The following DOCK3 variants were observed in gnomAD, a reference collection of about 807,000 sequenced individuals.
The protein encoded by DOCK3 is dedicator of cytokinesis 3.
DOCK3 carries 60 observed loss-of-function variants against 265.6 expected under a neutral mutation model. The observed-to-expected ratio is 0.23, with a 90% confidence interval of 0.18 to 0.28. The LOEUF (loss-of-function observed/expected upper bound fraction) is 0.28. Ranked by LOEUF, DOCK3 falls within the 10% of genes least tolerant of loss-of-function variation. The pLI is 1.00. For missense variants in DOCK3, 1,981 were observed against 2,594.3 expected (o/e 0.76, Z 5.14); for synonymous variants, 881 against 938.0 (o/e 0.94, Z 1.11).
intron 7 of DOCK3, among the ~76,000 whole-genome samples, chr3:51,078,238 A>C (rs2082117663): frequency 1.3e-5 from 2 of 152,230 alleles, no homozygotes; most frequent in African/African-American, 4.8e-5. Context: ...TACAAAATTA[A>C]AAAGCAGATT....
At chr3:51,205,145 A>G (rs976915104) in intron 12 of DOCK3, among the ~76,000 whole-genome samples, 1 of 152,128 alleles carries the variant, frequency 6.6e-6, no homozygotes, top group African/African-American at 2.4e-5. Context: ...GTGCACATGT[A>G]CGCTAAAACT....
rs2088735558 is a variant in DOCK3 at position 51,382,755 on chromosome 3, G to T, written c.*1196G>T. 6.6e-6 allele frequency: 1 copy of T among 152,526 alleles called. No individual in the cohort carries two copies. 9.4% of individuals were successfully genotyped at this position (152,526 alleles called of 1,614,324 possible). On this transcript the variant is annotated 3_prime_UTR_variant, in exon 53 of 53. Coordinates refer to ENST00000266037, the MANE Select transcript of DOCK3 (RefSeq NM_004947.5). ...TGGGGACCACCACTCAGGGTTCGGG[G>T]CTGGCAGGAGGGTAGTTTCTCCAGT... is the stretch of plus-strand genomic sequence containing the variant.
chr3:51,203,397 G>C (rs554873630), intron 12 of DOCK3, among the ~76,000 whole-genome samples: 2,145 of 152,264 alleles, frequency 0.014, 59 homozygotes, highest in African/African-American at 0.047. Context: ...CAAATCATGA[G>C]TAAACTCCCA....
At chr3:51,217,791 C>T (rs907780020) in intron 14 of DOCK3, among the ~76,000 whole-genome samples, 1 of 152,086 alleles carries the variant, frequency 6.6e-6, no homozygotes, top group Non-Finnish European at 1.5e-5. Flanking sequence ...AACCGTTAGC[C>T]AAAAGAGTAT....
At chr3:50,698,762 G>T (rs1002731242) in intron 1 of DOCK3, among the ~76,000 whole-genome samples, 1 of 151,532 alleles carries the variant, frequency 6.6e-6, no homozygotes, top group Non-Finnish European at 1.5e-5. Context: ...TTCCCTGATG[G>T]CTGATGATGT....
chr3:51,068,813 C>G (rs6445750), intron 6 of DOCK3, among the ~76,000 whole-genome samples: 137,168 of 152,212 alleles, frequency 0.9, 62,006 homozygotes, highest in African/African-American at 0.95. Context: ...GATCTTTGTT[C>G]TGTTCTGCAA....
At chr3:50,821,338 C>T (rs1258075525) in intron 2 of DOCK3, among the ~76,000 whole-genome samples, 21 of 151,478 alleles carry the variant, frequency 1.4e-4, no homozygotes, top group African/African-American at 4.6e-4. Context: ...CTCACTTTGT[C>T]GCCCAGGCTG....
intron 7 of DOCK3, among the ~76,000 whole-genome samples, chr3:51,086,430 G>A (rs968616005): frequency 2.0e-5 from 3 of 152,218 alleles, no homozygotes; most frequent in East Asian, 3.8e-4. Context: ...TTTATGGCCA[G>A]ATTTTAGGGT....
chr3:51,138,039 C>T (rs2084884667), intron 9 of DOCK3, among the ~76,000 whole-genome samples: 1 of 152,190 alleles, frequency 6.6e-6, no homozygotes, highest in African/African-American at 2.4e-5. Context: ...TTTCTACAGA[C>T]TCCATTGCCT....
chr3:50,749,115 G>A (rs1214656944), intron 1 of DOCK3, among the ~76,000 whole-genome samples: 2 of 152,136 alleles, frequency 1.3e-5, no homozygotes, highest in Admixed American at 6.5e-5. Context: ...ATGAGAGCAG[G>A]CCTTCATCAG....
chr3:50,939,140 C>CA (rs2051556342), intron 5 of DOCK3, among the ~76,000 whole-genome samples: 1 of 151,970 alleles, frequency 6.6e-6, no homozygotes, highest in South Asian at 2.1e-4. Flanking sequence ...AAAGAAAATA[C>CA]TGTAAACAAC....
At chr3:51,321,134 GA>G (rs2083698234) in intron 32 of DOCK3, among the ~76,000 whole-genome samples, 1 of 152,202 alleles carries the variant, frequency 6.6e-6, no homozygotes, top group South Asian at 2.1e-4. Flanking sequence ...GGAATGAACA[GA>G]CAGCAAACTT....
intron 23 of DOCK3, among the ~76,000 whole-genome samples, chr3:51,266,000 C>T (rs190377930): frequency 1.2e-3 from 183 of 151,776 alleles, no homozygotes; most frequent in Non-Finnish European, 2.1e-3. Context: ...TCAGCAAAGT[C>T]TCAGGATACA....
intron 23 of DOCK3, among the ~76,000 whole-genome samples, chr3:51,269,775 A>C (rs1418900732): frequency 6.6e-6 from 1 of 152,252 alleles, no homozygotes; most frequent in Non-Finnish European, 1.5e-5. Flanking sequence ...AGAGAAAATA[A>C]TAAGAACCAG....
At chr3:51,200,837 T>C (rs193122281) in intron 12 of DOCK3, among the ~76,000 whole-genome samples, 29 of 152,042 alleles carry the variant, frequency 1.9e-4, no homozygotes, top group African/African-American at 3.6e-4. Flanking sequence ...TGGCAGAAAC[T>C]CTACAAGCCA....
rs75465665 is a variant in DOCK3 at position 51,019,204 on chromosome 3, TG to T, written c.316-45243del. ...TTGTTTTTAAGAAATCTTTGTTTAT[TG>T]CAAATTCATGACTGGATTACCACTT... On this transcript the variant is annotated intron_variant, in intron 5 of 52. Coordinates refer to ENST00000266037, the MANE Select transcript of DOCK3 (RefSeq NM_004947.5). 2.6e-5 allele frequency among the ~76,000 whole-genome samples: 4 copies of T among 151,944 alleles called. 1 individual carries two copies. The East Asian group carries it at 7.7e-4, about 29-fold the overall frequency.
intron 1 of DOCK3, among the ~76,000 whole-genome samples, chr3:50,680,939 C>G (rs1476830095): frequency 2.6e-5 from 4 of 152,016 alleles, no homozygotes; most frequent in Non-Finnish European, 4.4e-5. Flanking sequence ...ACTCTTTTTC[C>G]TTTGCTGTGC....
rs138101073 is a variant in DOCK3 at position 50,829,999 on chromosome 3, T to G, written c.122-11676T>G. ...TAAATGCAGATGATTATTGTGTAAATTTTTCAGTGCAAATAATGGAAAGAG... is the reference window on the plus strand; with the variant it reads ...TAAATGCAGATGATTATTGTGTAAAGTTTTCAGTGCAAATAATGGAAAGAG... On this transcript the variant is annotated intron_variant, in intron 2 of 52. Coordinates refer to ENST00000266037, the MANE Select transcript of DOCK3 (RefSeq NM_004947.5). Among the ~76,000 whole-genome samples the G allele has an allele frequency of 1.6e-3, 242 of 152,328 alleles. 2 individuals carry two copies. Among genetic ancestry groups the G allele is most frequent in the African/African-American group, 5.5e-3 (228 of 41,560 alleles).
intron 2 of DOCK3, among the ~76,000 whole-genome samples, chr3:50,840,109 A>G (rs2045745067): frequency 6.6e-6 from 1 of 151,850 alleles, no homozygotes; most frequent in Admixed American, 6.6e-5. Flanking sequence ...TTCTTTGTAT[A>G]TTTTGGATAA....
Sources: gnomAD v4.1 joint callset for allele counts (sites outside exome capture counted in the v4.1 genomes callset) on GRCh38, gnomAD v4.1.1 for gene constraint, MANE v1.5 for transcripts, NCBI Gene and HGNC (gene_info 2026-07-23, HGNC 2026-07-21) for gene names.